PPFIA2: variants seen among roughly 807,000 people sequenced by gnomAD.
The protein encoded by PPFIA2 is PPFI scaffold protein A2.
In PPFIA2, 46 loss-of-function variants were observed where a neutral mutation model predicts 175.5. That is an observed-to-expected ratio of 0.26 (90% CI 0.21 to 0.34). The LOEUF is 0.34. Among genes scored for constraint, PPFIA2 ranks in the 10% least tolerant of loss-of-function variants. The pLI is 1.00. For missense variants in PPFIA2, 1,179 were observed against 1,506.1 expected, an observed-to-expected ratio of 0.78 and a Z score of 3.60; for synonymous variants, 568 against 511.4, an observed-to-expected ratio of 1.11 and a Z score of -1.49.
chr12:81,337,275 T>G (rs1358468924), intron 21 of PPFIA2, among the ~76,000 whole-genome samples: 1 of 152,186 alleles, frequency 6.6e-6, no homozygotes, highest in Non-Finnish European at 1.5e-5. Flanking sequence ...AACAAGCTGC[T>G]GATTCTGGCT....
chr12:81,324,752 T>C (rs1413919994), intron 22 of PPFIA2, among the ~76,000 whole-genome samples: 1 of 151,980 alleles, frequency 6.6e-6, no homozygotes, highest in Non-Finnish European at 1.5e-5. Flanking sequence ...GATTGTATGG[T>C]AGAAATAATT....
intron 4 of PPFIA2, among the ~76,000 whole-genome samples, chr12:81,563,192 C>G (rs571503692): frequency 1.3e-5 from 2 of 152,114 alleles, no homozygotes; most frequent in Non-Finnish European, 2.9e-5. Context: ...TTGCTTCTGT[C>G]TTTTATCTCC....
intron 8 of PPFIA2, among the ~76,000 whole-genome samples, chr12:81,384,732 A>G (rs1189386662): frequency 6.6e-6 from 1 of 152,166 alleles, no homozygotes; most frequent in Non-Finnish European, 1.5e-5. Flanking sequence ...AACTTACCAA[A>G]TATTTTTTAT....
chr12:81,299,178 C>A, intron 23 of PPFIA2, 123 bp downstream of exon 23: 1 of 1,271,342 alleles, frequency 7.9e-7, no homozygotes, highest in Non-Finnish European at 1.0e-6. Context: ...AGCAAATAGT[C>A]CCTTATGAGC....
chr12:81,408,975 G>A (rs982912103), intron 7 of PPFIA2, among the ~76,000 whole-genome samples: 2 of 152,262 alleles, frequency 1.3e-5, no homozygotes, highest in Admixed American at 6.5e-5. Context: ...GGGAAAGTTT[G>A]TAGTTCTCTT....
chr12:81,338,949 T>G (rs1027519940), intron 21 of PPFIA2, among the ~76,000 whole-genome samples: 1 of 152,264 alleles, frequency 6.6e-6, no homozygotes, highest in Non-Finnish European at 1.5e-5. Flanking sequence ...CTAGCTATTG[T>G]TATAAAGAGA....
intron 3 of PPFIA2, among the ~76,000 whole-genome samples, chr12:81,717,667 C>T (rs1017110054): frequency 2.0e-5 from 3 of 151,624 alleles, no homozygotes; most frequent in African/African-American, 7.3e-5. Flanking sequence ...CCAATATATG[C>T]CAGGCACTGT....
intron 4 of PPFIA2, among the ~76,000 whole-genome samples, chr12:81,540,169 T>C (rs11114908): frequency 0.095 from 14,400 of 151,832 alleles, 872 homozygotes; most frequent in Middle Eastern, 0.18. Context: ...TCTTGCCCTA[T>C]CAAAGCAAAC....
chr12:81,398,153 A>C (rs1456089011), intron 8 of PPFIA2, among the ~76,000 whole-genome samples: 1 of 152,120 alleles, frequency 6.6e-6, no homozygotes, highest in East Asian at 1.9e-4. Flanking sequence ...ATTGTCTTCC[A>C]CAAAACTGGT....
chr12:81,712,718 A>G (rs1170805789), intron 3 of PPFIA2, among the ~76,000 whole-genome samples: 1 of 150,876 alleles, frequency 6.6e-6, no homozygotes, highest in Non-Finnish European at 1.5e-5. Context: ...TCTAACAATA[A>G]CATAAAAGGA....
At chr12:81,638,297 T>G (rs1567669524) in intron 4 of PPFIA2, among the ~76,000 whole-genome samples, 1 of 152,090 alleles carries the variant, frequency 6.6e-6, no homozygotes, top group Non-Finnish European at 1.5e-5. Context: ...AAATATAGAA[T>G]GTAGGAGAAA....
chr12:81,540,575 A>T (rs565350982), intron 4 of PPFIA2, among the ~76,000 whole-genome samples: 1 of 152,154 alleles, frequency 6.6e-6, no homozygotes, highest in East Asian at 1.9e-4. Context: ...AGAATTTATC[A>T]ATTTTAAATT....
chr12:81,622,169 G>T (rs2062120468), intron 4 of PPFIA2, among the ~76,000 whole-genome samples: 1 of 152,208 alleles, frequency 6.6e-6, no homozygotes, highest in African/African-American at 2.4e-5. Context: ...GATGGAATGA[G>T]AAAGAAGGTG....
intron 4 of PPFIA2, among the ~76,000 whole-genome samples, chr12:81,607,568 G>T (rs2060459099): frequency 6.6e-6 from 1 of 152,006 alleles, no homozygotes; most frequent in Admixed American, 6.6e-5. Context: ...TACTGTAAAT[G>T]GAATTGTGTT....
intron 4 of PPFIA2, among the ~76,000 whole-genome samples, chr12:81,553,046 C>A (rs745859142): frequency 5.9e-5 from 9 of 151,886 alleles, no homozygotes; most frequent in Non-Finnish European, 1.2e-4. Flanking sequence ...AATGAAAGAG[C>A]CACAGTTCAT....
intron 9 of PPFIA2, among the ~76,000 whole-genome samples, chr12:81,379,124 C>T (rs1414865882): frequency 6.6e-6 from 1 of 152,062 alleles, no homozygotes; most frequent in African/African-American, 2.4e-5. Context: ...GTGGGAGATT[C>T]AATTTTTAAC....
At chr12:81,415,829 T>C (rs911329826) in intron 7 of PPFIA2, among the ~76,000 whole-genome samples, 1 of 151,432 alleles carries the variant, frequency 6.6e-6, no homozygotes, top group South Asian at 2.1e-4. Context: ...TAGCTATACT[T>C]TGTCATTGTT....
At chr12:81,630,320 C>A (rs1416775796) in intron 4 of PPFIA2, among the ~76,000 whole-genome samples, 2 of 152,188 alleles carry the variant, frequency 1.3e-5, no homozygotes, top group African/African-American at 4.8e-5. Flanking sequence ...CTTCTTTGAT[C>A]ATCAGCTTTC....
intron 21 of PPFIA2, among the ~76,000 whole-genome samples, chr12:81,334,518 C>T (rs1360326875): frequency 1.3e-5 from 2 of 151,126 alleles, no homozygotes; most frequent in Admixed American, 1.3e-4. Flanking sequence ...ATCTCCTCAA[C>T]TCTGGGTCAT....
Sources: gnomAD v4.1 joint callset for allele counts (sites outside exome capture counted in the v4.1 genomes callset) on GRCh38, gnomAD v4.1.1 for gene constraint, MANE v1.5 for transcripts, NCBI Gene and HGNC (gene_info 2026-07-23, HGNC 2026-07-21) for gene names.